Variants in R3HCC1L observed in about 807,000 individuals in gnomAD.
R3HCC1L encodes R3H domain and coiled-coil containing 1 like.
Under a neutral mutation model 59.9 loss-of-function variants are expected in R3HCC1L, and 51 were observed. The ratio of observed to expected loss-of-function variants is 0.85; its 90% confidence interval spans 0.68 to 1.07. R3HCC1L has a LOEUF of 1.07. Ranked by LOEUF, R3HCC1L falls within the 50% of genes least tolerant of loss-of-function variation. R3HCC1L has a pLI of 0.00. For missense variants in R3HCC1L, 965 were observed against 933.0 expected (o/e 1.03, Z -0.45); for synonymous variants, 322 against 315.2 (o/e 1.02, Z -0.23).
intron 9 of R3HCC1L, among the ~76,000 whole-genome samples, chr10:98,239,289 T>G (rs988912342): frequency 2.0e-5 from 3 of 152,234 alleles, no homozygotes; most frequent in Non-Finnish European, 4.4e-5. Flanking sequence ...CTCCATCCAT[T>G]ACAAGTGGCA....
intron 1 of R3HCC1L, among the ~76,000 whole-genome samples, chr10:98,153,488 G>A (rs965715202): frequency 4.6e-5 from 7 of 151,984 alleles, no homozygotes; most frequent in African/African-American, 7.3e-5. Flanking sequence ...AGGCCGCAGG[G>A]TCCTCTGCCT....
intron 5 of R3HCC1L, chr10:98,211,224 C>G: frequency 1.2e-6 from 1 of 850,374 alleles, no homozygotes; most frequent in Non-Finnish European, 1.9e-6. Flanking sequence ...GGTCCCTAGA[C>G]CAGCAGCATG....
intron 1 of R3HCC1L, among the ~76,000 whole-genome samples, chr10:98,150,342 G>C (rs1482175671): frequency 6.6e-6 from 1 of 152,110 alleles, no homozygotes; most frequent in East Asian, 1.9e-4. Flanking sequence ...CCTGTTTGCT[G>C]TTGTTTCTTG....
chr10:98,222,624 T>G (rs1392092725), intron 5 of R3HCC1L, among the ~76,000 whole-genome samples: 1 of 152,174 alleles, frequency 6.6e-6, no homozygotes, highest in African/African-American at 2.4e-5. Flanking sequence ...TTTTTCTGCA[T>G]CTATTGAGAT....
intron 4 of R3HCC1L, among the ~76,000 whole-genome samples, chr10:98,197,507 A>G (rs1381176258): frequency 6.6e-6 from 1 of 152,136 alleles, no homozygotes; most frequent in African/African-American, 2.4e-5. Flanking sequence ...TTGTTGATTG[A>G]TTGATTGTCT....
chr10:98,143,842 A>G (rs770528991), intron 1 of R3HCC1L, among the ~76,000 whole-genome samples: 41 of 152,192 alleles, frequency 2.7e-4, no homozygotes, highest in Admixed American at 9.2e-4. Context: ...GTTCATATGT[A>G]TTCATTATAG....
chr10:98,212,717 A>G (rs780301376), intron 5 of R3HCC1L, among the ~76,000 whole-genome samples: 1 of 152,198 alleles, frequency 6.6e-6, no homozygotes, highest in Admixed American at 6.5e-5. Context: ...CCCTACTGCC[A>G]TCTGTACTGA....
At position 98,220,400 on chromosome 10, in the gene R3HCC1L, T is replaced by A. The variant is rs199684868; in HGVS notation, c.1785+10501T>A. On this transcript the variant is annotated intron_variant, in intron 5 of 9. Transcript: ENST00000298999. ...TTTTTTCCCATCTTTTTTTTTTTTT[T>A]ATACTCTAAGTTTTAGGGTACATGT... Among the ~76,000 whole-genome samples the A allele has an allele frequency of 9.8e-5, 14 of 142,568 alleles. No individual in the cohort carries two copies. In the East Asian group the frequency reaches 2.5e-3, roughly 26 times the overall value. 93.5% of individuals were successfully genotyped at this position (142,568 alleles called of 152,430 possible).
At chr10:98,202,918 A>G (rs763348666) in intron 4 of R3HCC1L, among the ~76,000 whole-genome samples, 1 of 152,082 alleles carries the variant, frequency 6.6e-6, no homozygotes, top group African/African-American at 2.4e-5. Flanking sequence ...AGTGTCATAA[A>G]TGACAGCTTT....
chr10:98,194,214 G>A (rs1412795425), intron 4 of R3HCC1L, among the ~76,000 whole-genome samples: 1 of 151,422 alleles, frequency 6.6e-6, no homozygotes, highest in Admixed American at 6.6e-5. Flanking sequence ...AGCATACCAA[G>A]ACTACACAAT....
At chr10:98,141,737 T>G (rs1182120805) in intron 1 of R3HCC1L, among the ~76,000 whole-genome samples, 1 of 152,216 alleles carries the variant, frequency 6.6e-6, no homozygotes, top group East Asian at 1.9e-4. Context: ...TAATTTGAGC[T>G]TCTTTGCAGC....
intron 1 of R3HCC1L, among the ~76,000 whole-genome samples, chr10:98,153,942 A>C (rs989049218): frequency 1.3e-5 from 2 of 152,216 alleles, no homozygotes. Context: ...TACTAGCTTC[A>C]GCTTTTTCAC....
intron 2 of R3HCC1L, among the ~76,000 whole-genome samples, chr10:98,159,800 A>G (rs1304661456): frequency 1.3e-5 from 2 of 152,224 alleles, no homozygotes. Flanking sequence ...CCTTGGAATA[A>G]GGAATTTCTT....
intron 1 of R3HCC1L, among the ~76,000 whole-genome samples, chr10:98,148,858 T>C (rs1845899434): frequency 6.6e-6 from 1 of 152,154 alleles, no homozygotes; most frequent in African/African-American, 2.4e-5. Context: ...CCTTGACTGG[T>C]TTTGGAATCA....
chr10:98,196,443 G>GTATT (rs1851442568), intron 4 of R3HCC1L, among the ~76,000 whole-genome samples: 1 of 152,018 alleles, frequency 6.6e-6, no homozygotes, highest in Non-Finnish European at 1.5e-5. Flanking sequence ...TATTTTATTT[G>GTATT]TATTTATTTA....
intron 5 of R3HCC1L, among the ~76,000 whole-genome samples, chr10:98,223,241 GAGA>G (rs1284301938): frequency 1.3e-4 from 20 of 152,240 alleles, no homozygotes; most frequent in African/African-American, 4.8e-4. Flanking sequence ...AACCAAAAAA[GAGA>G]ATTTTAGACC....
intron 9 of R3HCC1L, among the ~76,000 whole-genome samples, chr10:98,242,435 T>A (rs924450166): frequency 6.6e-6 from 1 of 152,166 alleles, no homozygotes; most frequent in Non-Finnish European, 1.5e-5. Flanking sequence ...TCAGACACAT[T>A]AATATTTCTG....
At chr10:98,240,720 C>T (rs1857437074) in intron 9 of R3HCC1L, among the ~76,000 whole-genome samples, 1 of 151,662 alleles carries the variant, frequency 6.6e-6, no homozygotes, top group African/African-American at 2.4e-5. Context: ...TGTGGCATTG[C>T]TGATTCATAA....
intron 4 of R3HCC1L, among the ~76,000 whole-genome samples, chr10:98,194,901 CAT>C (rs1399269470): frequency 2.0e-5 from 3 of 152,124 alleles, no homozygotes; most frequent in Non-Finnish European, 4.4e-5. Context: ...CTATGGAAAA[CAT>C]ATGGAAATTC....
Sources: allele counts gnomAD v4.1 joint callset (sites outside exome capture counted in the v4.1 genomes callset), GRCh38; gene constraint gnomAD v4.1.1; transcripts MANE v1.5; gene names NCBI Gene and HGNC (gene_info 2026-07-23, HGNC 2026-07-21).